The following GIT2 variants were observed in gnomAD, a reference collection of about 807,000 sequenced individuals.
The protein encoded by GIT2 is GIT ArfGAP 2, also known as ARF GTPase-activating protein GIT2.
Under a neutral mutation model 100.3 loss-of-function variants are expected in GIT2, and 32 were observed. The ratio of observed to expected loss-of-function variants is 0.32; its 90% CI spans 0.24 to 0.43. The LOEUF is 0.43. GIT2 is among the 20% of genes least tolerant of loss of function. The pLI is 1.00. For synonymous variants in GIT2, 353 were observed against 364.1 expected, an observed-to-expected ratio of 0.97 and a Z score of 0.35; for missense variants, 737 against 975.1, an observed-to-expected ratio of 0.76 and a Z score of 3.25.
chr12:109,942,614 G>A (rs1415063984), intron 16 of GIT2, among the ~76,000 whole-genome samples: 5 of 152,192 alleles, frequency 3.3e-5, no homozygotes, highest in Admixed American at 6.5e-5. Context: ...GATTAGAGGC[G>A]TGAGCCACCA....
At chr12:109,952,509 T>C in intron 13 of GIT2, 1 of 518,990 alleles carries the variant, frequency 1.9e-6, no homozygotes, top group Non-Finnish European at 3.8e-6. Flanking sequence ...TCGGGTGTCA[T>C]ACCCCTCCTG....
chr12:109,999,816 T>G (rs192990670), upstream of GIT2: 2,415 of 1,496,380 alleles, frequency 1.6e-3, 37 homozygotes, highest in African/African-American at 0.031. This position sits in a 1 kb window ranked among gnomAD's most constrained non-coding sequence, Gnocchi z 4.3. Context: ...CGTCTCCCGG[T>G]GGGGACTTCG....
intron 7 of GIT2, among the ~76,000 whole-genome samples, chr12:109,967,802 G>T (rs551378947): frequency 7.9e-5 from 12 of 152,194 alleles, no homozygotes; most frequent in Non-Finnish European, 1.6e-4. Flanking sequence ...AAAGTGTGCT[G>T]AGGGAGCTGA....
Position 109,996,177 on chromosome 12 carries a change from C to T in GIT2, c.48G>A (p.Gly16=). ...GGCCCGGCCGGTGCGACTCACCCGG[C>T]CCGCTGCAGTCAGCGCACACCTCGC... The part of the protein sequence containing the change: ...RSSEVCADCS[G]PDPSWASVNR... Residue 16 remains glycine (G), a synonymous_variant, in exon 1 of 20, where the codon GGG becomes GGA. Transcript: ENST00000355312. The T allele has an allele frequency of 6.6e-7, 1 of 1,521,600 alleles. No homozygotes were observed. The highest frequency in any genetic ancestry group is 1.4e-5 in the African/African-American group (1 of 69,900). 94.3% of individuals were successfully genotyped at this position (1,521,600 alleles called of 1,614,324 possible).
At chr12:109,972,451 T>C (rs1291726636) in intron 7 of GIT2, among the ~76,000 whole-genome samples, 1 of 152,172 alleles carries the variant, frequency 6.6e-6, no homozygotes, top group African/African-American at 2.4e-5. Flanking sequence ...TACTGTTAAC[T>C]TGATAGATTA....
In GIT2 at chr12:109,948,513, T is replaced by C; in HGVS notation, c.1393-1009A>G. The C allele has an allele frequency of 2.4e-6, 3 of 1,242,824 alleles. No individual in the cohort carries two copies. Among genetic ancestry groups the C allele is most frequent in the Non-Finnish European group, 3.0e-6 (3 of 991,512 alleles). 77.0% of individuals were successfully genotyped at this position (1,242,824 alleles called of 1,614,324 possible). On this transcript the variant is annotated intron_variant, in intron 14 of 19. Transcript: ENST00000355312. The surrounding 1 kb of genome is among the most constrained non-coding windows in gnomAD (Gnocchi z 4.3). The stretch of plus-strand genomic sequence containing the variant: ...GGGAATCGTGTTACTCTTTGGCATC[T>C]GGCATTTTAAACACCATTCACCACG...
At position 109,934,438 on chromosome 12, in the gene GIT2, G is replaced by A. The variant is rs934952365; in HGVS notation, c.2004-353C>T. Among the ~76,000 whole-genome samples, 1 of 152,190 alleles carries A rather than the reference G, an allele frequency of 6.6e-6. No individual in the cohort carries two copies. Among genetic ancestry groups the A allele is most frequent in the East Asian group, 1.9e-4 (1 of 5,196 alleles). ...TTCTAGAAAGAGAAAGGATTTCCAT[G>A]CAAAAGGCCACAGAAGTGAAAAATA... On this transcript the variant is annotated intron_variant, in intron 18 of 19. Transcript: ENST00000355312. The surrounding 1 kb of genome is among the most constrained non-coding windows in gnomAD (Gnocchi z 4.5).
intron 2 of GIT2, among the ~76,000 whole-genome samples, chr12:109,990,543 GTAGT>G (rs1261141397): frequency 6.6e-6 from 1 of 152,214 alleles, no homozygotes; most frequent in Admixed American, 6.5e-5. Context: ...TTACAGCAGT[GTAGT>G]TATTTTCACA....
rs1881264170 is a variant in GIT2 at position 109,962,204 on chromosome 12, C to T, written c.817-519G>A. On this transcript the variant is annotated intron_variant, in intron 9 of 19. Coordinates refer to ENST00000355312, the MANE Select transcript of GIT2 (RefSeq NM_057169.5). The surrounding 1 kb of genome is among the most constrained non-coding windows in gnomAD (Gnocchi z 4.3). ...CCTGCCTCTACAGAAAATACAAAAA[C>T]TAGCTGGGCGTGGTGGTGCACACTT... is the stretch of plus-strand genomic sequence containing the variant. Among the ~76,000 whole-genome samples, 1 of 152,002 alleles carries T rather than the reference C, an allele frequency of 6.6e-6. No homozygotes were observed. The highest frequency in any genetic ancestry group is 2.1e-4 in the South Asian group (1 of 4,828).
intron 12 of GIT2, chr12:109,953,963 C>T (rs1840151288): frequency 6.6e-6 from 1 of 152,256 alleles, no homozygotes; most frequent in Admixed American, 6.5e-5. Flanking sequence ...TAATGTCACT[C>T]AAAACAGAAA....
intron 16 of GIT2, among the ~76,000 whole-genome samples, chr12:109,944,475 A>G (rs12314178): frequency 6.9e-4 from 105 of 152,326 alleles, no homozygotes; most frequent in African/African-American, 2.5e-3. Context: ...CTCTTTATGC[A>G]TGAAAGTATT....
In GIT2 at chr12:109,947,630, G is replaced by GT; in HGVS notation, c.1393-127dup. 1.2e-6 allele frequency: 1 copy of GT among 857,424 alleles called. No homozygotes were observed. Among genetic ancestry groups the GT allele is most frequent in the Non-Finnish European group, 1.8e-6 (1 of 545,066 alleles). 53.1% of individuals were successfully genotyped at this position (857,424 alleles called of 1,614,324 possible). The stretch of plus-strand genomic sequence containing the variant: ...ACAGTAACAGCTAGCCGGGCTGAAA[G>GT]TAAAAAGCCAATACAAACAAGGACC... On this transcript the variant is annotated intron_variant, in intron 14 of 19. Transcript: ENST00000355312. This position sits in a 1 kb window ranked among gnomAD's most constrained non-coding sequence, Gnocchi z 4.3.
intron 15 of GIT2, among the ~76,000 whole-genome samples, chr12:109,946,087 T>A (rs1478708377): frequency 1.3e-5 from 2 of 151,848 alleles, no homozygotes; most frequent in Non-Finnish European, 2.9e-5. Flanking sequence ...TGAGCTGAGA[T>A]CACACCACTG....
chr12:109,995,411 T>C (rs1192064309), intron 1 of GIT2, among the ~76,000 whole-genome samples: 4 of 152,118 alleles, frequency 2.6e-5, no homozygotes, highest in Non-Finnish European at 2.9e-5. Flanking sequence ...GACAGCATAA[T>C]GCAAAAAAGA....
intron 7 of GIT2, among the ~76,000 whole-genome samples, chr12:109,971,343 G>A (rs1033014537): frequency 6.6e-6 from 1 of 151,048 alleles, no homozygotes; most frequent in Non-Finnish European, 1.5e-5. Flanking sequence ...TAATTTTTTT[G>A]AGACAGAGTC....
At chr12:109,983,091 T>A (rs529475269) in intron 6 of GIT2, 40 of 302,614 alleles carry the variant, frequency 1.3e-4, no homozygotes, top group African/African-American at 8.5e-4. Flanking sequence ...CATTCTGTAA[T>A]TCTTGATACT....
chr12:109,937,237 C>T (rs1873295381), intron 18 of GIT2, among the ~76,000 whole-genome samples: 1 of 151,946 alleles, frequency 6.6e-6, no homozygotes, highest in African/African-American at 2.4e-5. Flanking sequence ...AAAAAGGGTA[C>T]AGAAAAGGGA....
upstream of GIT2, among the ~76,000 whole-genome samples, chr12:109,996,672 C>A (rs1053566912): frequency 2.4e-4 from 36 of 152,220 alleles, no homozygotes; most frequent in African/African-American, 8.7e-4. Context: ...CAAGCACTTA[C>A]CATGCTTTAT....
intron 16 of GIT2, among the ~76,000 whole-genome samples, chr12:109,944,913 T>C (rs1329548363): frequency 2.0e-5 from 3 of 151,826 alleles, no homozygotes; most frequent in Admixed American, 6.6e-5. Context: ...CCTGAACAAA[T>C]TGAACAAATT....
Sources: gnomAD v4.1 joint callset for allele counts (sites outside exome capture counted in the v4.1 genomes callset) on GRCh38, gnomAD v4.1.1 for gene constraint, Gnocchi (gnomAD v3.1) non-coding constraint, MANE v1.5 for transcripts, NCBI Gene and HGNC (gene_info 2026-07-23, HGNC 2026-07-21) for gene names.